ADAM17: variants seen among roughly 807,000 people sequenced by gnomAD.
ADAM17 encodes disintegrin and metalloproteinase domain-containing protein 17.
In ADAM17, 39 loss-of-function variants were observed where a neutral mutation model predicts 96.7. The observed-to-expected ratio is 0.40, with a 90% CI of 0.31 to 0.53. The LOEUF (loss-of-function observed/expected upper bound fraction) is 0.53, where lower values mean the gene tolerates loss of function less well. ADAM17 is among the 20% of genes least tolerant of loss of function. The pLI, the probability that ADAM17 is intolerant of heterozygous loss-of-function variation, is 0.44. For synonymous variants in ADAM17, 344 were observed against 359.2 expected (o/e 0.96, Z 0.48); for missense variants, 777 against 1,013.2 (o/e 0.77, Z 3.17).
intron 12 of ADAM17, 72 bp downstream of exon 12, chr2:9,505,094 A>G (rs1303855445): frequency 3.3e-6 from 5 of 1,503,782 alleles, no homozygotes; most frequent in Non-Finnish European, 4.6e-6. Flanking sequence ...AGCCCCTGCA[A>G]GTTCAGTCTT....
chr2:9,527,827 T>C lies in ADAM17; in HGVS notation c.578A>G (p.Glu193Gly). Residue 193 changes from glutamate (E) to glycine (G), a missense_variant, in exon 5 of 19, where the codon GAG (glutamate) becomes GGG (glycine). Around this residue, in one of 3 missense-constraint regions of ADAM17, gnomAD observed 446 missense variants for 664.7 expected, o/e 0.67. Coordinates refer to ENST00000310823, the MANE Select transcript of ADAM17 (RefSeq NM_003183.6). ...VCGYLKVDNE[E>G]LLPKGLVDRE... ...GTCTACTAACCCTTTTGGGAGCAACTCTTCATTATCCACTTTTAAATAACC... is the reference window on the plus strand; with the variant it reads ...GTCTACTAACCCTTTTGGGAGCAACCCTTCATTATCCACTTTTAAATAACC... 6.2e-7 allele frequency: 1 copy of C among 1,603,394 alleles called. No individual in the cohort carries two copies. Among genetic ancestry groups the C allele is most frequent in the Non-Finnish European group, 8.5e-7 (1 of 1,176,084 alleles).
chr2:9,553,036 G>A (rs1353904109), intron 1 of ADAM17, among the ~76,000 whole-genome samples: 2 of 152,036 alleles, frequency 1.3e-5, no homozygotes, highest in African/African-American at 4.8e-5. Context: ...GTAAGGTTAA[G>A]TAACAAATTA....
intron 4 of ADAM17, among the ~76,000 whole-genome samples, chr2:9,530,339 T>C (rs922958816): frequency 1.3e-5 from 2 of 152,208 alleles, no homozygotes; most frequent in Admixed American, 6.5e-5. Context: ...ATCAGATATA[T>C]CTGAGTTCAA....
intron 1 of ADAM17, among the ~76,000 whole-genome samples, chr2:9,554,074 A>T (rs1053694933): frequency 6.8e-6 from 1 of 147,834 alleles, no homozygotes; most frequent in Non-Finnish European, 1.5e-5. Context: ...GAAAAAAAAA[A>T]TGGTCTAAAA....
intron 2 of ADAM17, among the ~76,000 whole-genome samples, chr2:9,538,376 A>G (rs1572952343): frequency 6.6e-6 from 1 of 152,298 alleles, no homozygotes; most frequent in Non-Finnish European, 1.5e-5. Flanking sequence ...TAACTTTTTG[A>G]GCATAACAAG....
At position 9,490,052 on chromosome 2, in the gene ADAM17, C is replaced by G. The variant is rs1661986239; in HGVS notation, c.*125G>C. On this transcript the variant is annotated 3_prime_UTR_variant, in exon 19 of 19. Coordinates refer to ENST00000310823, the MANE Select transcript of ADAM17 (RefSeq NM_003183.6). ...AAGAACTGTTTACCTGCAGGAAGTT[C>G]AAACACATGACCAGCATCTGCTAAG... The G allele has an allele frequency of 1.1e-6, 1 of 930,574 alleles. No homozygotes were observed. Among genetic ancestry groups the G allele is most frequent in the Non-Finnish European group, 1.6e-6 (1 of 638,818 alleles). 57.6% of individuals were successfully genotyped at this position (930,574 alleles called of 1,614,324 possible).
At chr2:9,518,868 C>T (rs556524614) in intron 8 of ADAM17, among the ~76,000 whole-genome samples, 23 of 147,246 alleles carry the variant, frequency 1.6e-4, no homozygotes, top group Non-Finnish European at 3.1e-4. Context: ...AACCGTCCAG[C>T]GTCTCCAAGT....
chr2:9,548,711 G>A (rs1308980686), intron 1 of ADAM17, among the ~76,000 whole-genome samples: 1 of 152,180 alleles, frequency 6.6e-6, no homozygotes, highest in South Asian at 2.1e-4. Flanking sequence ...TTGTGTTACT[G>A]ATGAGCCACA....
rs534252599 is a variant in ADAM17 at position 9,505,477 on chromosome 2, GCCAC to G, written c.1345-116_1345-113del. ...CTCTTAATGTAAAACCACCATCAGAGCCACCCTGGAGTTATGGCAAGGCCACCAC... is the reference window on the plus strand; with the variant it reads ...CTCTTAATGTAAAACCACCATCAGAGCCTGGAGTTATGGCAAGGCCACCAC... On this transcript the variant is annotated intron_variant, in intron 11 of 18. Coordinates refer to ENST00000310823, the MANE Select transcript of ADAM17 (RefSeq NM_003183.6). 1.4e-3 allele frequency: 1,574 copies of G among 1,137,570 alleles called. 1 individual carries two copies. Among genetic ancestry groups the G allele is most frequent in the Non-Finnish European group, 1.6e-3 (1,280 of 787,558 alleles). 70.5% of individuals were successfully genotyped at this position (1,137,570 alleles called of 1,614,324 possible). A position where few individuals can be genotyped will look rare whatever the true frequency, so the allele number is the denominator to read the frequency against.
Position 9,509,978 on chromosome 2 carries a change from C to A in ADAM17, c.1344+1G>T. 1.2e-6 allele frequency: 2 copies of A among 1,613,856 alleles called. No individual in the cohort carries two copies. The highest frequency in any genetic ancestry group is 1.1e-5 in the South Asian group (1 of 91,054). The stretch of plus-strand genomic sequence containing the variant: ...ATAAAAAATTCTCGACACACACATA[C>A]CTTATTGTTCTCGTGATCGCCACTC... On this transcript the variant is annotated splice_donor_variant, in intron 11 of 18. Transcript: ENST00000310823. LOFTEE classifies it high-confidence loss of function.
intron 2 of ADAM17, among the ~76,000 whole-genome samples, chr2:9,537,717 C>T (rs1665017944): frequency 6.6e-6 from 1 of 151,124 alleles, no homozygotes; most frequent in Non-Finnish European, 1.5e-5. Flanking sequence ...GAGACTCCCG[C>T]TCAAAATAAG....
intron 10 of ADAM17, among the ~76,000 whole-genome samples, chr2:9,511,096 C>T (rs1261781405): frequency 1.3e-5 from 2 of 152,018 alleles, no homozygotes. Context: ...TCGGCCCAAT[C>T]ACATGTCTGT....
rs1240801504 is a variant in ADAM17, at chr2:9,518,149, A to G, written c.1056T>C (p.Tyr352=). The G allele has an allele frequency of 6.2e-7, 1 of 1,604,242 alleles. No individual in the cohort carries two copies. Among genetic ancestry groups the G allele is most frequent in the South Asian group, 1.1e-5 (1 of 87,992 alleles). ...GGCTGTTTGCTCTGGGAGAGCCAACATAAGCTAATCCAAGAGTTCCCATAT... is the reference window on the plus strand; with the variant it reads ...GGCTGTTTGCTCTGGGAGAGCCAACGTAAGCTAATCCAAGAGTTCCCATAT... ...DFDMGTLGLA[Y]VGSPRANSHG... Residue 352 remains tyrosine, a synonymous_variant, in exon 9 of 19, where the codon TAT becomes TAC. Transcript: ENST00000310823.
At chr2:9,518,058 T>G in intron 9 of ADAM17, 45 bp downstream of exon 9, 1 of 1,573,790 alleles carries the variant, frequency 6.4e-7, no homozygotes. Context: ...CCAATCATCT[T>G]AATAATCCCA....
At chr2:9,507,637 A>C (rs1319892802) in intron 11 of ADAM17, among the ~76,000 whole-genome samples, 1 of 152,140 alleles carries the variant, frequency 6.6e-6, no homozygotes, top group Non-Finnish European at 1.5e-5. Flanking sequence ...AAAATAAATA[A>C]ATTGTTCTTC....
chr2:9,528,588 CCA>C (rs1664620145), intron 4 of ADAM17, among the ~76,000 whole-genome samples: 1 of 152,132 alleles, frequency 6.6e-6, no homozygotes, highest in Non-Finnish European at 1.5e-5. Context: ...CAAAGGTTAC[CCA>C]AGTCAAAAGG....
At chr2:9,530,832 GA>G (rs918396494) in intron 4 of ADAM17, among the ~76,000 whole-genome samples, 4 of 151,956 alleles carry the variant, frequency 2.6e-5, no homozygotes, top group Admixed American at 2.6e-4. Context: ...TATGATTCAC[GA>G]AAAAAAGAGA....
chr2:9,536,060 G>C, intron 3 of ADAM17, 138 bp from the exon 4 acceptor site: 5 of 457,756 alleles, frequency 1.1e-5, no homozygotes, highest in Non-Finnish European at 1.8e-5. Context: ...AGAAACAAAG[G>C]CTCCAGAAAG....
Position 9,509,930 on chromosome 2 carries a change from T to C in ADAM17, c.1344+49A>G, listed in dbSNP as rs776472253. The C allele has an allele frequency of 3.1e-6, 5 of 1,604,414 alleles. No individual in the cohort carries two copies. In the South Asian group the frequency reaches 3.3e-5, roughly 11 times the overall value. Reference sequence around the variant, plus strand: ...TTCTGAGCTCTCATTATGATCATTATACACAGCCTCTTTCCAAACCACATA... The same window carrying C: ...TTCTGAGCTCTCATTATGATCATTACACACAGCCTCTTTCCAAACCACATA... On this transcript the variant is annotated intron_variant, in intron 11 of 18. Coordinates refer to ENST00000310823, the MANE Select transcript of ADAM17 (RefSeq NM_003183.6).
Sources: allele counts gnomAD v4.1 joint callset (sites outside exome capture counted in the v4.1 genomes callset), GRCh38; gene constraint gnomAD v4.1.1; regional missense constraint gnomAD v4.1.1; transcripts MANE v1.5; gene names NCBI Gene and HGNC (gene_info 2026-07-23, HGNC 2026-07-21).